The following LRRC4C variants were observed in gnomAD, a reference collection of about 807,000 sequenced individuals.
The protein encoded by LRRC4C is leucine rich repeat containing 4C.
A neutral mutation model predicts 33.6 loss-of-function variants in LRRC4C; 5 were observed. That is an observed-to-expected ratio of 0.15 (90% CI 0.08 to 0.31). LRRC4C has a LOEUF of 0.31. Ranked by LOEUF, LRRC4C falls within the 10% of genes least tolerant of loss-of-function variation. LRRC4C has a pLI of 1.00. For synonymous variants in LRRC4C, 329 were observed against 302.0 expected (o/e 1.09, Z -0.93); for missense variants, 560 against 796.7 (o/e 0.70, Z 3.58).
chr11:40,727,782 C>T (rs1947357639), intron 2 of LRRC4C, among the ~76,000 whole-genome samples: 1 of 152,070 alleles, frequency 6.6e-6, no homozygotes, highest in Non-Finnish European at 1.5e-5. Context: ...GGTGCGATGA[C>T]TCACACCTGT....
intron 1 of LRRC4C, among the ~76,000 whole-genome samples, chr11:41,030,827 C>T (rs1028601572): frequency 2.0e-5 from 3 of 151,702 alleles, no homozygotes; most frequent in Non-Finnish European, 4.4e-5. Flanking sequence ...TATATATATA[C>T]ACATACATAT....
intron 5 of LRRC4C, among the ~76,000 whole-genome samples, chr11:40,148,539 T>G (rs942406181): frequency 6.6e-6 from 1 of 152,178 alleles, no homozygotes; most frequent in Non-Finnish European, 1.5e-5. Context: ...TTTGTTATTT[T>G]CTTGTAAATT....
At chr11:41,332,914 T>C (rs1344535481) in intron 1 of LRRC4C, among the ~76,000 whole-genome samples, 1 of 152,196 alleles carries the variant, frequency 6.6e-6, no homozygotes, top group Admixed American at 6.5e-5. Context: ...GAATAACTTC[T>C]TCCTATAAGC....
intron 1 of LRRC4C, among the ~76,000 whole-genome samples, chr11:41,196,160 C>T (rs537164607): frequency 1.8e-4 from 27 of 152,140 alleles, no homozygotes; most frequent in African/African-American, 6.3e-4. Flanking sequence ...ATGAGCACCT[C>T]ATCCTGAAGT....
Position 40,696,095 on chromosome 11 carries a change from G to GTATATA in LRRC4C, c.-406-47823_-406-47818dup, listed in dbSNP as rs150296016. On this transcript the variant is annotated intron_variant, in intron 2 of 6. Coordinates refer to ENST00000528697, the MANE Select transcript of LRRC4C (RefSeq NM_001258419.2). ...TGTGTATATATATATATGAGTGTGT[G>GTATATA]TATATATATATATATATATACTCAT... is the stretch of plus-strand genomic sequence containing the variant. 2.9e-3 allele frequency among the ~76,000 whole-genome samples: 405 copies of GTATATA among 139,206 alleles called. 4 individuals carry two copies. The highest frequency in any genetic ancestry group is 9.8e-3 in the African/African-American group (362 of 36,990). 91.3% of individuals were successfully genotyped at this position (139,206 alleles called of 152,430 possible).
At chr11:40,281,101 T>C (rs751055100) in intron 4 of LRRC4C, among the ~76,000 whole-genome samples, 1 of 152,084 alleles carries the variant, frequency 6.6e-6, no homozygotes, top group African/African-American at 2.4e-5. Flanking sequence ...GCTTGCTGCT[T>C]TGGGGAATTG....
chr11:40,175,113 T>C (rs1860365078), intron 5 of LRRC4C, among the ~76,000 whole-genome samples: 1 of 152,210 alleles, frequency 6.6e-6, no homozygotes, highest in Non-Finnish European at 1.5e-5. Context: ...TTTCAAAACA[T>C]TGCATCTTGT....
In LRRC4C at chr11:40,116,145, C is replaced by G. The variant is rs748135607; in HGVS notation, c.148G>C (p.Val50Leu). 1.2e-6 allele frequency: 2 copies of G among 1,613,924 alleles called. No homozygotes were observed. Among genetic ancestry groups the G allele is most frequent in the South Asian group, 2.2e-5 (2 of 91,078 alleles). Residue 50 changes from valine to leucine, a missense_variant, in exon 7 of 7, where the codon GTG (valine) becomes CTG (leucine). Physicochemically the swap from Val to Leu is conservative, Grantham distance 32. Transcript: ENST00000528697. ...CTGAACTGGTTGCTGCAGGAGCACA[C>G]AGAAGGGCAGGTCTGAGCCCGCACC... ...GLVRAQTCPS[V>L]CSCSNQFSKV...
At chr11:40,732,533 A>G (rs761608720) in intron 2 of LRRC4C, among the ~76,000 whole-genome samples, 2 of 152,184 alleles carry the variant, frequency 1.3e-5, no homozygotes, top group Admixed American at 1.3e-4. Flanking sequence ...CCAAGACTCT[A>G]TGGGAGATTA....
chr11:41,349,246 C>T (rs1049822759), intron 1 of LRRC4C, among the ~76,000 whole-genome samples: 1 of 152,156 alleles, frequency 6.6e-6, no homozygotes, highest in Non-Finnish European at 1.5e-5. Context: ...TCTTTTTCCA[C>T]TGTAACCCCA....
At chr11:40,511,702 G>A (rs948022417) in intron 3 of LRRC4C, among the ~76,000 whole-genome samples, 2 of 152,180 alleles carry the variant, frequency 1.3e-5, no homozygotes, top group Non-Finnish European at 2.9e-5. Context: ...CTTAGTAAAT[G>A]ATAAGTACAG....
intron 1 of LRRC4C, among the ~76,000 whole-genome samples, chr11:41,001,816 A>G (rs897645385): frequency 6.6e-6 from 1 of 151,980 alleles, no homozygotes; most frequent in Non-Finnish European, 1.5e-5. Context: ...TCCAAGGTTC[A>G]AAACTTTCAG....
intron 3 of LRRC4C, among the ~76,000 whole-genome samples, chr11:40,490,245 A>C (rs548366027): frequency 4.6e-5 from 7 of 152,184 alleles, no homozygotes; most frequent in South Asian, 2.1e-4. Context: ...GCCTTTCAAC[A>C]GTACTTGGCC....
intron 1 of LRRC4C, among the ~76,000 whole-genome samples, chr11:41,214,231 T>C (rs1158627816): frequency 6.6e-6 from 1 of 152,054 alleles, no homozygotes; most frequent in Non-Finnish European, 1.5e-5. Context: ...CAGAATGAGT[T>C]ATGACAACAG....
At chr11:40,417,495 C>T (rs917077648) in intron 3 of LRRC4C, among the ~76,000 whole-genome samples, 2 of 151,818 alleles carry the variant, frequency 1.3e-5, no homozygotes, top group African/African-American at 4.8e-5. Flanking sequence ...CCTTGCCCAG[C>T]TAATTTTTTA....
chr11:41,021,156 TGAGA>T (rs71060991), intron 1 of LRRC4C, among the ~76,000 whole-genome samples: 1,534 of 126,718 alleles, frequency 0.012, 19 homozygotes, highest in African/African-American at 0.035. Context: ...ATCGTGCATC[TGAGA>T]GAGAGAGAGA....
intron 2 of LRRC4C, among the ~76,000 whole-genome samples, chr11:40,859,197 G>T (rs1318573604): frequency 1.3e-5 from 2 of 152,172 alleles, no homozygotes; most frequent in Non-Finnish European, 2.9e-5. Context: ...GACTAAGCAA[G>T]AGTACAGGTT....
At chr11:40,175,195 T>G (rs2135466073) in intron 5 of LRRC4C, among the ~76,000 whole-genome samples, 1 of 152,394 alleles carries the variant, frequency 6.6e-6, no homozygotes, top group Non-Finnish European at 1.5e-5. Context: ...TACCTGATGC[T>G]GTTGGCTCAT....
At chr11:40,391,237 T>C (rs1458727634) in intron 3 of LRRC4C, among the ~76,000 whole-genome samples, 1 of 152,178 alleles carries the variant, frequency 6.6e-6, no homozygotes, top group Non-Finnish European at 1.5e-5. Context: ...TCAGCAACAT[T>C]TCTGGCTCAC....
Sources: allele counts gnomAD v4.1 joint callset (sites outside exome capture counted in the v4.1 genomes callset), GRCh38; gene constraint gnomAD v4.1.1; transcripts MANE v1.5; gene names NCBI Gene and HGNC (gene_info 2026-07-23, HGNC 2026-07-21).